The following LEPR variants were observed in gnomAD, a reference collection of about 807,000 sequenced individuals.
LEPR encodes OB receptor.
LEPR carries 56 observed loss-of-function variants against 114.7 expected under a neutral mutation model. The ratio of observed to expected loss-of-function variants is 0.49; its 90% CI spans 0.39 to 0.61. The LOEUF is 0.61. LEPR is among the 20% of genes least tolerant of loss of function. The pLI is 0.00. For synonymous variants in LEPR, 443 were observed against 461.4 expected, an observed-to-expected ratio of 0.96 and a Z score of 0.51; for missense variants, 1,202 against 1,352.9, an observed-to-expected ratio of 0.89 and a Z score of 1.75.
chr1:65,527,245 C>A (rs767808322), intron 2 of LEPR, among the ~76,000 whole-genome samples: 2 of 152,202 alleles, frequency 1.3e-5, no homozygotes, highest in Non-Finnish European at 2.9e-5. Flanking sequence ...GGTTTCAGGT[C>A]ACTTCTGAGC....
At chr1:65,629,265 T>G in intron 19 of LEPR, 1 of 379,416 alleles carries the variant, frequency 2.6e-6, no homozygotes, top group Non-Finnish European at 5.1e-6. Flanking sequence ...ATTAGCACTC[T>G]TACGCTTCCC....
chr1:65,557,940 A>G (rs1440954864), intron 2 of LEPR, among the ~76,000 whole-genome samples: 1 of 152,182 alleles, frequency 6.6e-6, no homozygotes, highest in East Asian at 1.9e-4. Flanking sequence ...TGTGTTTTGC[A>G]TGGAACATTA....
chr1:65,598,695 A>G lies in LEPR; in HGVS notation c.885A>G (p.Val295=). Reference sequence around the variant, plus strand: ...TTGTCTCAGCTACATCCCTGCTAGTAGACAGTATACTTCCTGGGTCTTCGT... The same window carrying G: ...TTGTCTCAGCTACATCCCTGCTAGTGGACAGTATACTTCCTGGGTCTTCGT... ...DKIVSATSLL[V]DSILPGSSYE... The change falls in exon 8 of 20, where the codon GTA becomes GTG. Residue 295 remains valine (V), a synonymous_variant. Transcript: ENST00000349533. 1.9e-6 allele frequency: 3 copies of G among 1,613,490 alleles called. No individual in the cohort carries two copies. In the South Asian group the frequency reaches 3.3e-5, roughly 18 times the overall value.
intron 3 of LEPR, among the ~76,000 whole-genome samples, chr1:65,569,707 T>TAAAA (rs199787348): frequency 2.2e-5 from 2 of 92,464 alleles, no homozygotes; most frequent in African/African-American, 4.6e-5. Context: ...AATTCCATCT[T>TAAAA]AAAAAAAAAA....
chr1:65,604,942 G>A, intron 10 of LEPR, 96 bp from the exon 11 acceptor site: 1 of 1,483,988 alleles, frequency 6.7e-7, no homozygotes, highest in Non-Finnish European at 9.2e-7. Context: ...AAAAAGGTTG[G>A]GGACTGCTGT....
At chr1:65,549,543 C>G (rs1485636089) in intron 2 of LEPR, among the ~76,000 whole-genome samples, 2 of 152,224 alleles carry the variant, frequency 1.3e-5, no homozygotes, top group Non-Finnish European at 2.9e-5. Context: ...AACTTCCCTT[C>G]TCGCTTCATT....
rs550347312 is a variant in LEPR at position 65,440,000 on chromosome 1, CAAAAAAA to C, written c.-21+14640_-21+14646del. On this transcript the variant is annotated intron_variant, in intron 2 of 19. Transcript: ENST00000349533. ...TGGGCGAGGAAGAGAGATTCTGTCT[CAAAAAAA>C]AAAAAAAAAAAAAAAAAGAAAAAGA... Among the ~76,000 whole-genome samples, 169 of 58,152 alleles carry C rather than the reference CAAAAAAA, an allele frequency of 2.9e-3. No individual in the cohort carries two copies. In the East Asian group the frequency reaches 0.04, roughly 14 times the overall value. The allele number at this position is 58,152 out of a possible 152,430, so 38.1% of individuals were successfully genotyped here. A position where few individuals can be genotyped will look rare whatever the true frequency, so the allele number is the denominator to read the frequency against.
At chr1:65,464,572 A>G (rs1223073351) in intron 2 of LEPR, among the ~76,000 whole-genome samples, 2 of 152,084 alleles carry the variant, frequency 1.3e-5, no homozygotes, top group Non-Finnish European at 2.9e-5. Flanking sequence ...CTCTTTTTCT[A>G]TTGATTGAAA....
chr1:65,444,653 G>A (rs989384389), intron 2 of LEPR, among the ~76,000 whole-genome samples: 22 of 152,190 alleles, frequency 1.4e-4, no homozygotes, highest in African/African-American at 4.8e-4. Flanking sequence ...AAAAAATATC[G>A]AAGAGAAGAA....
intron 5 of LEPR, among the ~76,000 whole-genome samples, chr1:65,588,957 G>A (rs10749754): frequency 0.49 from 74,689 of 151,908 alleles, 19,105 homozygotes; most frequent in East Asian, 0.86. Context: ...GGTACATCAT[G>A]TGGTAGGTGT....
At chr1:65,446,599 T>C (rs766000762) in intron 2 of LEPR, among the ~76,000 whole-genome samples, 2 of 152,176 alleles carry the variant, frequency 1.3e-5, no homozygotes, top group Non-Finnish European at 2.9e-5. Context: ...TAGAAATTAT[T>C]GGTCCATTTC....
chr1:65,481,986 A>G (rs188154283), intron 2 of LEPR, among the ~76,000 whole-genome samples: 1 of 152,218 alleles, frequency 6.6e-6, no homozygotes. Context: ...CATTACTAAA[A>G]TTGATTAAAA....
chr1:65,557,292 T>A (rs551154689), intron 2 of LEPR, among the ~76,000 whole-genome samples: 1 of 152,310 alleles, frequency 6.6e-6, no homozygotes, highest in East Asian at 1.9e-4. Flanking sequence ...TAGAACAAAT[T>A]AATGGTTCAT....
Position 65,440,000 on chromosome 1 carries a change from C to CAAAA in LEPR, c.-21+14643_-21+14646dup, listed in dbSNP as rs550347312. Among the ~76,000 whole-genome samples the CAAAA allele has an allele frequency of 6.2e-3, 362 of 58,104 alleles. 24 individuals carry two copies. The highest frequency in any genetic ancestry group is 0.019 in the Middle Eastern group (1 of 54). 38.1% of individuals were successfully genotyped at this position (58,104 alleles called of 152,430 possible). A position where few individuals can be genotyped will look rare whatever the true frequency, so the allele number is the denominator to read the frequency against. On this transcript the variant is annotated intron_variant, in intron 2 of 19. Coordinates refer to ENST00000349533, the MANE Select transcript of LEPR (RefSeq NM_002303.6). ...TGGGCGAGGAAGAGAGATTCTGTCT[C>CAAAA]AAAAAAAAAAAAAAAAAAAAAAAAG...
At chr1:65,580,431 A>G (rs1052464900) in intron 5 of LEPR, among the ~76,000 whole-genome samples, 1 of 152,342 alleles carries the variant, frequency 6.6e-6, no homozygotes, top group Admixed American at 6.5e-5. Context: ...TTTAAAAGGG[A>G]TAAAATCTAA....
chr1:65,608,102 C>T (rs1656927168), intron 11 of LEPR, among the ~76,000 whole-genome samples: 1 of 150,722 alleles, frequency 6.6e-6, no homozygotes, highest in African/African-American at 2.4e-5. Context: ...TGATACACAG[C>T]AGCATAAGAG....
At chr1:65,490,507 T>G (rs1374466005) in intron 2 of LEPR, among the ~76,000 whole-genome samples, 1 of 152,102 alleles carries the variant, frequency 6.6e-6, no homozygotes, top group African/African-American at 2.4e-5. Context: ...GTTTTCTTGG[T>G]GTAGAGACTG....
chr1:65,488,228 CTTTCTTTCTT>C (rs1401755124), intron 2 of LEPR, among the ~76,000 whole-genome samples: 3 of 57,820 alleles, frequency 5.2e-5, no homozygotes, highest in African/African-American at 7.6e-5. Flanking sequence ...CTCTCTCTCT[CTTTCTTTCTT>C]TCTTTCTTTC....
chr1:65,459,529 A>G (rs1646918573), intron 2 of LEPR, among the ~76,000 whole-genome samples: 1 of 152,192 alleles, frequency 6.6e-6, no homozygotes, highest in African/African-American at 2.4e-5. Context: ...CACTCAAATC[A>G]GGAAGTGGAG....
Sources: gnomAD v4.1 joint callset for allele counts (sites outside exome capture counted in the v4.1 genomes callset) on GRCh38, gnomAD v4.1.1 for gene constraint, MANE v1.5 for transcripts, NCBI Gene and HGNC (gene_info 2026-07-23, HGNC 2026-07-21) for gene names.